Variants in CNTNAP5 observed in about 807,000 individuals in gnomAD.
CNTNAP5 encodes contactin associated protein family member 5.
CNTNAP5 carries 72 observed loss-of-function variants against 150.2 expected under a neutral mutation model. The observed-to-expected ratio is 0.48, with a 90% CI of 0.40 to 0.58. CNTNAP5 has a LOEUF of 0.58. Ranked by LOEUF, CNTNAP5 falls within the 20% of genes least tolerant of loss-of-function variation. CNTNAP5 has a pLI of 0.00. For synonymous variants in CNTNAP5, 672 were observed against 619.8 expected, an observed-to-expected ratio of 1.08 and a Z score of -1.25; for missense variants, 1,636 against 1,626.2, an observed-to-expected ratio of 1.01 and a Z score of -0.10.
intron 3 of CNTNAP5, among the ~76,000 whole-genome samples, chr2:124,414,808 C>T (rs1691875297): frequency 6.6e-6 from 1 of 152,006 alleles, no homozygotes; most frequent in African/African-American, 2.4e-5. Flanking sequence ...GGATAAGTTT[C>T]TACTGCACAT....
intron 1 of CNTNAP5, among the ~76,000 whole-genome samples, chr2:124,199,968 T>C (rs1055820716): frequency 1.3e-5 from 2 of 152,226 alleles, no homozygotes; most frequent in Non-Finnish European, 2.9e-5. Flanking sequence ...TTCTTTCTTT[T>C]TCTTGAATAC....
At chr2:124,573,563 G>C (rs560761682) in intron 11 of CNTNAP5, among the ~76,000 whole-genome samples, 1 of 152,312 alleles carries the variant, frequency 6.6e-6, no homozygotes, top group African/African-American at 2.4e-5. Flanking sequence ...TGCTGATGTT[G>C]CTTCCATTGG....
chr2:124,673,992 A>G (rs1281719653), intron 13 of CNTNAP5, among the ~76,000 whole-genome samples: 2 of 152,128 alleles, frequency 1.3e-5, no homozygotes, highest in Non-Finnish European at 1.5e-5. Flanking sequence ...TATCTTCTAC[A>G]TATTTTCAGT....
chr2:124,599,703 C>G (rs937038260), intron 11 of CNTNAP5, among the ~76,000 whole-genome samples: 21 of 152,110 alleles, frequency 1.4e-4, no homozygotes, highest in African/African-American at 5.1e-4. Flanking sequence ...ATATTACAAT[C>G]TTACTCTATT....
At chr2:124,497,044 G>C (rs1694166786) in intron 7 of CNTNAP5, among the ~76,000 whole-genome samples, 1 of 152,208 alleles carries the variant, frequency 6.6e-6, no homozygotes. Context: ...AGCAGTGTTT[G>C]AAGCAGTGGT....
intron 3 of CNTNAP5, among the ~76,000 whole-genome samples, chr2:124,275,414 C>T (rs1423300349): frequency 2.0e-5 from 3 of 152,120 alleles, no homozygotes; most frequent in Non-Finnish European, 2.9e-5. Context: ...GCTACAGTCA[C>T]GTGCCTGCTT....
At chr2:124,678,179 C>A (rs139615143) in intron 13 of CNTNAP5, among the ~76,000 whole-genome samples, 1 of 151,794 alleles carries the variant, frequency 6.6e-6, no homozygotes, top group African/African-American at 2.4e-5. Flanking sequence ...AGGAATCCAA[C>A]CTAATGATGA....
chr2:124,565,863 C>T (rs13011069), intron 11 of CNTNAP5, among the ~76,000 whole-genome samples: 19,423 of 151,628 alleles, frequency 0.13, 1,517 homozygotes, highest in East Asian at 0.27. Context: ...CCTCCCAAAG[C>T]GCTGGGATTA....
chr2:124,241,844 T>A (rs1424551732), intron 2 of CNTNAP5, among the ~76,000 whole-genome samples: 1 of 152,040 alleles, frequency 6.6e-6, no homozygotes, highest in Non-Finnish European at 1.5e-5. Flanking sequence ...AGAGAGCACA[T>A]GTAAGCCTAG....
chr2:124,228,120 T>C (rs377511287), intron 2 of CNTNAP5, among the ~76,000 whole-genome samples: 1 of 151,978 alleles, frequency 6.6e-6, no homozygotes, highest in African/African-American at 2.4e-5. Context: ...TGACCCTCCA[T>C]CTGAGGCCCA....
intron 19 of CNTNAP5, among the ~76,000 whole-genome samples, chr2:124,845,859 T>C (rs1396619498): frequency 6.6e-6 from 1 of 152,164 alleles, no homozygotes; most frequent in African/African-American, 2.4e-5. Flanking sequence ...TAATTGAGCT[T>C]ATTTGGATCT....
intron 10 of CNTNAP5, among the ~76,000 whole-genome samples, chr2:124,538,895 T>A (rs906618772): frequency 6.6e-6 from 1 of 152,188 alleles, no homozygotes; most frequent in Non-Finnish European, 1.5e-5. Flanking sequence ...TCATCCAACA[T>A]CCCGATAAGA....
intron 11 of CNTNAP5, among the ~76,000 whole-genome samples, chr2:124,588,631 C>A (rs7586780): frequency 0.04 from 6,067 of 151,852 alleles, 303 homozygotes; most frequent in African/African-American, 0.12. Context: ...AAATATAAAC[C>A]TTATTATTAT....
intron 13 of CNTNAP5, among the ~76,000 whole-genome samples, chr2:124,728,300 A>G (rs1010073202): frequency 6.6e-6 from 1 of 152,076 alleles, no homozygotes; most frequent in African/African-American, 2.4e-5. Flanking sequence ...GCCTTTTAAA[A>G]TGAGTTAAGA....
intron 18 of CNTNAP5, among the ~76,000 whole-genome samples, chr2:124,792,006 A>T (rs903838494): frequency 9.9e-5 from 15 of 152,014 alleles, no homozygotes; most frequent in African/African-American, 3.6e-4. Flanking sequence ...GCCTCTGGGG[A>T]ATGTGGCCGG....
intron 11 of CNTNAP5, among the ~76,000 whole-genome samples, chr2:124,585,595 A>G (rs1030994994): frequency 3.3e-5 from 5 of 149,316 alleles, no homozygotes. Flanking sequence ...GGGTCCAGAC[A>G]TTAGGCATAT....
At chr2:124,656,938 A>G (rs1678470846) in intron 13 of CNTNAP5, among the ~76,000 whole-genome samples, 1 of 152,184 alleles carries the variant, frequency 6.6e-6, no homozygotes, top group African/African-American at 2.4e-5. Flanking sequence ...TGAGACCTTA[A>G]GTAAGTTAAA....
intron 3 of CNTNAP5, among the ~76,000 whole-genome samples, chr2:124,382,128 A>G (rs1177742584): frequency 2.6e-5 from 4 of 152,164 alleles, no homozygotes; most frequent in Non-Finnish European, 5.9e-5. Flanking sequence ...AGAAGGGGTA[A>G]CTCAGGAAGG....
At chr2:124,763,139 G>A (rs999261727) in intron 14 of CNTNAP5, among the ~76,000 whole-genome samples, 12 of 151,936 alleles carry the variant, frequency 7.9e-5, no homozygotes, top group Admixed American at 1.3e-4. Context: ...ACTAGCTACC[G>A]AGATCTTTAA....
Sources: allele counts gnomAD v4.1 joint callset (sites outside exome capture counted in the v4.1 genomes callset), GRCh38; gene constraint gnomAD v4.1.1; transcripts MANE v1.5; gene names NCBI Gene and HGNC (gene_info 2026-07-23, HGNC 2026-07-21).